Variants in GRIP1 observed in about 807,000 individuals in gnomAD.
GRIP1 encodes glutamate receptor-interacting protein 1.
Under a neutral mutation model 129.9 loss-of-function variants are expected in GRIP1, and 45 were observed. The ratio of observed to expected loss-of-function variants is 0.35; its 90% CI spans 0.27 to 0.44. GRIP1 has a LOEUF of 0.44. Among genes scored for constraint, GRIP1 ranks in the 20% least tolerant of loss-of-function variants. GRIP1 has a pLI of 1.00. For synonymous variants in GRIP1, 530 were observed against 520.8 expected (o/e 1.02, Z -0.24); for missense variants, 1,196 against 1,396.8 (o/e 0.86, Z 2.29).
chr12:66,953,568 T>C (rs562937784), intron 1 of GRIP1, among the ~76,000 whole-genome samples: 2 of 152,294 alleles, frequency 1.3e-5, no homozygotes, highest in East Asian at 3.9e-4. Flanking sequence ...CTGGAAAATA[T>C]AAATTCTGCT....
intron 4 of GRIP1, among the ~76,000 whole-genome samples, chr12:66,535,224 T>C (rs780487027): frequency 9.9e-5 from 15 of 152,212 alleles, no homozygotes; most frequent in Non-Finnish European, 1.6e-4. Context: ...GAAGGGGTTG[T>C]GTTTTATTGA....
chr12:66,526,396 T>C (rs990993380), intron 5 of GRIP1, among the ~76,000 whole-genome samples: 14 of 152,214 alleles, frequency 9.2e-5, no homozygotes, highest in African/African-American at 3.1e-4. Flanking sequence ...CCATCTGATC[T>C]TTGACAAACC....
chr12:66,881,675 G>A (rs2040481017), intron 1 of GRIP1, among the ~76,000 whole-genome samples: 1 of 152,158 alleles, frequency 6.6e-6, no homozygotes, highest in Non-Finnish European at 1.5e-5. Flanking sequence ...GCTCAAGGCT[G>A]TGGAAGGCTG....
chr12:66,825,495 T>C (rs546249224), intron 1 of GRIP1, among the ~76,000 whole-genome samples: 38 of 152,282 alleles, frequency 2.5e-4, no homozygotes, highest in Non-Finnish European at 1.3e-4. Flanking sequence ...AAATCTTAGG[T>C]TCACTTTGGG....
rs2040559207 is a variant in GRIP1, at chr12:66,885,961, A to G, written c.58+183089T>C. 3.3e-5 allele frequency among the ~76,000 whole-genome samples: 5 copies of G among 152,308 alleles called. No individual in the cohort carries two copies. The South Asian group carries it at 1.0e-3, about 32-fold the overall frequency. On this transcript the variant is annotated intron_variant, in intron 1 of 1. Coordinates refer to the GRIP1 transcript ENST00000643019. ...AAAATCCTCCAATACATTATACAGTATATCCAAGCTATGAAAAATTTATGG... is the reference window on the plus strand; with the variant it reads ...AAAATCCTCCAATACATTATACAGTGTATCCAAGCTATGAAAAATTTATGG...
At chr12:66,381,601 A>G (rs1019998034) in intron 19 of GRIP1, among the ~76,000 whole-genome samples, 10 of 152,180 alleles carry the variant, frequency 6.6e-5, no homozygotes, top group African/African-American at 2.2e-4. Flanking sequence ...ATTAACCCCG[A>G]TGACCACTGA....
intron 1 of GRIP1, among the ~76,000 whole-genome samples, chr12:66,621,838 T>C (rs935626573): frequency 2.6e-5 from 4 of 152,182 alleles, no homozygotes; most frequent in African/African-American, 9.6e-5. Context: ...ATCTCCCTAA[T>C]GTCTAGTATT....
intron 1 of GRIP1, among the ~76,000 whole-genome samples, chr12:66,700,636 C>T (rs1479306934): frequency 6.6e-6 from 1 of 152,022 alleles, no homozygotes; most frequent in African/African-American, 2.4e-5. Flanking sequence ...TACCCAGAGA[C>T]TGTGTTTTAG....
intron 1 of GRIP1, among the ~76,000 whole-genome samples, chr12:66,694,954 T>G (rs944115562): frequency 6.6e-6 from 1 of 152,200 alleles, no homozygotes; most frequent in African/African-American, 2.4e-5. Context: ...AGGTCCAACA[T>G]CTCTCTGAAG....
chr12:66,998,168 G>A (rs190434976), intron 1 of GRIP1, among the ~76,000 whole-genome samples: 1 of 152,228 alleles, frequency 6.6e-6, no homozygotes, highest in Admixed American at 6.5e-5. Flanking sequence ...TGGTTCCTCA[G>A]TGACACTAGT....
intron 1 of GRIP1, among the ~76,000 whole-genome samples, chr12:67,060,058 T>C (rs1243283083): frequency 1.3e-5 from 2 of 152,220 alleles, no homozygotes; most frequent in African/African-American, 4.8e-5. Context: ...AAAACAGCTC[T>C]TCATTACAAA....
At chr12:66,965,549 T>TTGTGTGTGTG (rs368637185) in intron 1 of GRIP1, among the ~76,000 whole-genome samples, 3,875 of 128,252 alleles carry the variant, frequency 0.03, 113 homozygotes, top group East Asian at 0.099. Context: ...AAAAGAAACA[T>TTGTGTGTGTG]TGTGTGTGTG....
chr12:66,799,545 C>T (rs2136905463), intron 1 of GRIP1, among the ~76,000 whole-genome samples: 1 of 152,136 alleles, frequency 6.6e-6, no homozygotes, highest in East Asian at 1.9e-4. Context: ...AATGTGCTTC[C>T]CTCTCTCCTT....
chr12:66,690,804 G>A (rs909758829), intron 1 of GRIP1, among the ~76,000 whole-genome samples: 3 of 151,314 alleles, frequency 2.0e-5, no homozygotes, highest in Non-Finnish European at 4.4e-5. Context: ...ATTGTGGTGT[G>A]TGCCTGTAGT....
At chr12:66,681,742 A>G (rs936912370), upstream of GRIP1, among the ~76,000 whole-genome samples, 1 of 152,188 alleles carries the variant, frequency 6.6e-6, no homozygotes, top group Non-Finnish European at 1.5e-5. Flanking sequence ...AGAGTGAGTG[A>G]GCTAGTTCAA....
intron 1 of GRIP1, among the ~76,000 whole-genome samples, chr12:66,671,463 T>C (rs1456710579): frequency 6.6e-6 from 1 of 152,178 alleles, no homozygotes; most frequent in Non-Finnish European, 1.5e-5. Flanking sequence ...TCTCCCATCC[T>C]ATAATAGCCT....
Position 66,347,735 on chromosome 12 carries a change from T to C in GRIP1, c.*1284A>G, listed in dbSNP as rs2054036082. 2.7e-5 allele frequency: 4 copies of C among 146,442 alleles called. No homozygotes were observed. In the South Asian group the frequency reaches 8.9e-4, roughly 32 times the overall value. 9.1% of individuals were successfully genotyped at this position (146,442 alleles called of 1,614,324 possible). A position where few individuals can be genotyped will look rare whatever the true frequency, so the allele number is the denominator to read the frequency against. ...CTGAAATGTGATTGAAATAATATTT[T>C]TTTTGCACAAAAAGAAAGGTGATTT... On this transcript the variant is annotated 3_prime_UTR_variant, in exon 25 of 25. Coordinates refer to ENST00000359742, the MANE Select transcript of GRIP1 (RefSeq NM_001366722.1).
chr12:66,591,865 T>A (rs923629397), intron 2 of GRIP1, among the ~76,000 whole-genome samples: 5 of 152,176 alleles, frequency 3.3e-5, no homozygotes, highest in Admixed American at 2.6e-4. Context: ...GCTGAAGAGA[T>A]CTGCCCGCCT....
intron 1 of GRIP1, among the ~76,000 whole-genome samples, chr12:66,986,639 G>A (rs1483125945): frequency 2.1e-5 from 3 of 139,682 alleles, no homozygotes; most frequent in East Asian, 2.2e-4. Context: ...GAGAACACAC[G>A]GACACAGGAA....
Sources: allele counts gnomAD v4.1 joint callset (sites outside exome capture counted in the v4.1 genomes callset), GRCh38; gene constraint gnomAD v4.1.1; transcripts MANE v1.5; gene names NCBI Gene and HGNC (gene_info 2026-07-23, HGNC 2026-07-21).